Variants in PRKDC observed in about 807,000 individuals in gnomAD.
PRKDC encodes protein kinase, DNA-activated, catalytic subunit.
In PRKDC, 82 loss-of-function variants were observed where a neutral mutation model predicts 486.9. The ratio of observed to expected loss-of-function variants is 0.17; its 90% CI spans 0.14 to 0.20. The LOEUF (loss-of-function observed/expected upper bound fraction) is 0.20. Ranked by LOEUF, PRKDC falls within the 10% of genes least tolerant of loss-of-function variation. PRKDC has a pLI of 1.00. For synonymous variants in PRKDC, 1,895 were observed against 1,837.0 expected (o/e 1.03, Z -0.81); for missense variants, 4,504 against 5,038.2 (o/e 0.89, Z 3.21).
At chr8:47,893,000 A>T in intron 31 of PRKDC, 139 bp downstream of exon 31, 1 of 950,238 alleles carries the variant, frequency 1.1e-6, no homozygotes, top group Non-Finnish European at 1.4e-6. Context: ...GAACCCTTGC[A>T]GAGAAGTGAC....
chr8:47,927,966 T>G, intron 19 of PRKDC, 76 bp from the exon 20 acceptor site: 1 of 1,257,656 alleles, frequency 8.0e-7, no homozygotes, highest in Non-Finnish European at 1.0e-6. Flanking sequence ...GTATTTGCCC[T>G]ATTCTCAAAT....
At chr8:47,823,766 A>G in intron 64 of PRKDC, 92 bp downstream of exon 64, 1 of 1,428,636 alleles carries the variant, frequency 7.0e-7, no homozygotes, top group Non-Finnish European at 9.7e-7. Context: ...ACCAACAAGG[A>G]TCTGCTGTAC....
In PRKDC at chr8:47,808,976, ACT is replaced by A. The variant is rs1471876210; in HGVS notation, c.9558-1652_9558-1651del. On this transcript the variant is annotated intron_variant, in intron 68 of 85. Transcript: ENST00000314191. ...GAATTTGAGGCTGCAGTGAGCTATGACTGCACCACTGCACTCCAGCCTGGGTG... is the reference window on the plus strand; with the variant it reads ...GAATTTGAGGCTGCAGTGAGCTATGAGCACCACTGCACTCCAGCCTGGGTG... Among the ~76,000 whole-genome samples the A allele has an allele frequency of 1.4e-4, 21 of 151,948 alleles. No homozygotes were observed. In the East Asian group the frequency reaches 4.1e-3, roughly 29 times the overall value.
Position 47,881,418 on chromosome 8 carries a change from T to C in PRKDC, c.5065A>G (p.Lys1689Glu). ...LADTKLDLHLKGQAVTLLPFF... is the reference protein window; with the variant it reads ...LADTKLDLHLEGQAVTLLPFF... ...AAAATAAATATTTCACTGTTTACCT[T>C]TAAATGTAGATCCAGCTTTGTGTCA... Residue 1689 changes from lysine to glutamate, a missense_variant and splice_region_variant, in exon 38 of 86, where the codon AAG (lysine) becomes GAG (glutamate). By Grantham distance (56) the Lys-to-Glu change is moderately conservative (BLOSUM62 1). Around this residue, in one of 6 missense-constraint regions of PRKDC, gnomAD observed 1,969 missense variants for 2,068.9 expected, o/e 0.95. Coordinates refer to ENST00000314191, the MANE Select transcript of PRKDC (RefSeq NM_006904.7). 6.6e-7 allele frequency: 1 copy of C among 1,503,892 alleles called. No homozygotes were observed. Among genetic ancestry groups the C allele is most frequent in the South Asian group, 1.2e-5 (1 of 85,792 alleles). The allele number at this position is 1,503,892 out of a possible 1,614,324, so 93.2% of individuals were successfully genotyped here.
intron 21 of PRKDC, among the ~76,000 whole-genome samples, chr8:47,924,966 C>T (rs1272270668): frequency 6.6e-6 from 1 of 152,194 alleles, no homozygotes; most frequent in Non-Finnish European, 1.5e-5. Context: ...CAAACTACTA[C>T]CTCCATCGCC....
chr8:47,776,939 T>C lies in PRKDC; in HGVS notation c.12087A>G (p.Gln4029=). The C allele has an allele frequency of 6.2e-7, 1 of 1,613,686 alleles. No individual in the cohort carries two copies. Among genetic ancestry groups the C allele is most frequent in the Non-Finnish European group, 8.5e-7 (1 of 1,179,820 alleles). The part of the protein sequence containing the change: ...KMLKKGGSWI[Q]EINVAEKNWY... ...AATTTTTTTCAGCAACATTTATTTC[T>C]TGAATCCATGACCCTCCTTTTTTCA... Residue 4029 remains glutamine (Q), a synonymous_variant, in exon 85 of 86, where the codon CAA becomes CAG. Coordinates refer to ENST00000314191, the MANE Select transcript of PRKDC (RefSeq NM_006904.7).
chr8:47,848,365 A>G (rs2088320225), intron 54 of PRKDC, among the ~76,000 whole-genome samples: 1 of 152,216 alleles, frequency 6.6e-6, no homozygotes, highest in African/African-American at 2.4e-5. Context: ...CACTGTCCTA[A>G]GTGAACTAGT....
At chr8:47,926,206 T>C (rs1264189455) in intron 21 of PRKDC, among the ~76,000 whole-genome samples, 1 of 152,226 alleles carries the variant, frequency 6.6e-6, no homozygotes, top group African/African-American at 2.4e-5. Context: ...CTTATATAAA[T>C]GTGAATTTTA....
rs762914279 is a variant in PRKDC at position 47,777,769 on chromosome 8, C to T, written c.11959G>A (p.Ala3987Thr). 17 of 1,613,754 alleles carry T rather than the reference C, an allele frequency of 1.1e-5. No individual in the cohort carries two copies. The highest frequency in any genetic ancestry group is 2.2e-5 in the East Asian group (1 of 44,888). Reference sequence around the variant, plus strand: ...GGGTCTGAGCGGAAGGCCCGGAGTGCGTGTACCATGATGCTGTACATAAGG... The same window carrying T: ...GGGTCTGAGCGGAAGGCCCGGAGTGTGTGTACCATGATGCTGTACATAAGG... ...TGLMYSIMVH[A>T]LRAFRSDPGL... The change falls in exon 84 of 86, where the codon GCA becomes ACA. Residue 3987 changes from alanine (A) to threonine (T), a missense_variant. Transcript: ENST00000314191.
chr8:47,934,117 T>C (rs754249622), intron 14 of PRKDC, 27 bp from the exon 15 acceptor site: 11 of 1,589,396 alleles, frequency 6.9e-6, no homozygotes, highest in Middle Eastern at 1.7e-4. Flanking sequence ...CATGACAATA[T>C]GTAGTGATGG....
At chr8:47,817,829 A>G (rs2087482668) in intron 67 of PRKDC, among the ~76,000 whole-genome samples, 3 of 152,236 alleles carry the variant, frequency 2.0e-5, no homozygotes, top group Admixed American at 1.3e-4. Context: ...TCCATCTGTA[A>G]TATCAAAATC....
chr8:47,777,976 T>A, intron 83 of PRKDC, 102 bp from the exon 84 acceptor site: 1 of 1,079,858 alleles, frequency 9.3e-7, no homozygotes, highest in Non-Finnish European at 1.4e-6. Flanking sequence ...TCACATTTAG[T>A]AAAAATACAG....
chr8:47,931,211 C>T (rs2090245456), intron 16 of PRKDC, among the ~76,000 whole-genome samples: 1 of 152,194 alleles, frequency 6.6e-6, no homozygotes, highest in Admixed American at 6.5e-5. Context: ...TTTAAACACG[C>T]TAAGTTTGTG....
At chr8:47,817,387 G>A (rs2087469867) in intron 68 of PRKDC, 63 bp downstream of exon 68, 2 of 1,192,770 alleles carry the variant, frequency 1.7e-6, no homozygotes, top group African/African-American at 1.5e-5. Context: ...TGGTTTGGAA[G>A]AAAAACCATT....
intron 48 of PRKDC, 47 bp from the exon 49 acceptor site, chr8:47,857,346 G>A (rs2154500494): frequency 6.4e-7 from 1 of 1,557,362 alleles, no homozygotes; most frequent in Admixed American, 1.9e-5. Context: ...GTCTTAAATT[G>A]CCAAAATATT....
intron 30 of PRKDC, among the ~76,000 whole-genome samples, chr8:47,894,040 G>T (rs139416994): frequency 0.019 from 2,884 of 152,196 alleles, 94 homozygotes; most frequent in African/African-American, 0.066. Context: ...CAGCACTTTG[G>T]GGGGCTGAGA....
At chr8:47,946,299 C>A in intron 7 of PRKDC, among the ~76,000 whole-genome samples, 1 of 152,068 alleles carries the variant, frequency 6.6e-6, no homozygotes, top group Non-Finnish European at 1.5e-5. Context: ...CCACTGCACT[C>A]CAACAAGACT....
At position 47,777,884 on chromosome 8, in the gene PRKDC, A is replaced by C; in HGVS notation, c.11854-10T>G. On this transcript the variant is annotated splice_polypyrimidine_tract_variant and intron_variant, in intron 83 of 85. Transcript: ENST00000314191. ...CAGGGACTGGCAGAAACTAAACAAGAAAAAAGGCAAGGAGCAGAATATGTA... is the reference window on the plus strand; with the variant it reads ...CAGGGACTGGCAGAAACTAAACAAGCAAAAAGGCAAGGAGCAGAATATGTA... 1 of 1,612,076 alleles carries C rather than the reference A, an allele frequency of 6.2e-7. No homozygotes were observed. Among genetic ancestry groups the C allele is most frequent in the Non-Finnish European group, 8.5e-7 (1 of 1,178,846 alleles).
intron 68 of PRKDC, 80 bp downstream of exon 68, chr8:47,817,370 T>C: frequency 1.9e-6 from 2 of 1,049,052 alleles, no homozygotes; most frequent in East Asian, 5.2e-5. Context: ...CACATTTCTC[T>C]AAACCATGGT....
Sources: allele counts gnomAD v4.1 joint callset (sites outside exome capture counted in the v4.1 genomes callset), GRCh38; gene constraint gnomAD v4.1.1; regional missense constraint gnomAD v4.1.1; transcripts MANE v1.5; gene names NCBI Gene and HGNC (gene_info 2026-07-23, HGNC 2026-07-21).